Variants in PLEC observed in about 807,000 individuals in gnomAD.
PLEC encodes the protein plectin.
In PLEC, 216 loss-of-function variants were observed where a neutral mutation model predicts 392.8. That is an observed-to-expected ratio of 0.55 (90% CI 0.49 to 0.62). PLEC has a LOEUF of 0.62. Among genes scored for constraint, PLEC ranks in the 20% least tolerant of loss-of-function variants. The pLI is 0.00. For synonymous variants in PLEC, 3,621 were observed against 2,980.6 expected (o/e 1.21, Z -7.00); for missense variants, 6,863 against 6,563.4 (o/e 1.05, Z -1.58).
In PLEC at chr8:143,934,028, C is replaced by T. The variant is rs782308508; in HGVS notation, c.1233G>A (p.Gln411=). 6.2e-7 allele frequency: 1 copy of T among 1,610,980 alleles called. No individual in the cohort carries two copies. Among genetic ancestry groups the T allele is most frequent in the Admixed American group, 1.7e-5 (1 of 59,932 alleles). The change falls in exon 12 of 32, where the codon CAG becomes CAA. Residue 411 remains glutamine, a synonymous_variant. Transcript: ENST00000345136. ...GCAGCAGGGCGTCGGCCTGGTTCAG[C>T]TGCTCCTCACACAGCCCCGCCTCCA... The part of the protein sequence containing the change: ...LQMEAGLCEE[Q]LNQADALLQS...
chr8:143,917,980 G>A lies in PLEC; in HGVS notation c.11841C>T (p.Leu3947=), dbSNP rs782353137. ...CCTTCTTCATGGCCTGGTACACCGA[G>A]AGCCGTTCCTTGGTGGCGTCCACGA... is the stretch of plus-strand genomic sequence containing the variant. ...GVFVDATKER[L]SVYQAMKKGI... The change falls in exon 32 of 32, where the codon CTC becomes CTT. Residue 3947 remains leucine (L), a synonymous_variant. Transcript: ENST00000345136. 4.3e-6 allele frequency: 7 copies of A among 1,612,608 alleles called. No homozygotes were observed. Among genetic ancestry groups the A allele is most frequent in the African/African-American group, 1.3e-5 (1 of 74,926 alleles).
At chr8:143,974,201 G>C (rs569993845), upstream of PLEC, among the ~76,000 whole-genome samples, 121 of 152,336 alleles carry the variant, frequency 7.9e-4, no homozygotes, top group South Asian at 0.025. This position sits in a 1 kb window ranked among gnomAD's most constrained non-coding sequence, Gnocchi z 5.9. Context: ...AGGACGCAGA[G>C]CCCCGGCGCG....
chr8:143,969,174 C>T lies in PLEC; in HGVS notation c.70+4229G>A, dbSNP rs1211780185. Among the ~76,000 whole-genome samples the T allele has an allele frequency of 4.6e-5, 7 of 152,180 alleles. No individual in the cohort carries two copies. Among genetic ancestry groups the T allele is most frequent in the South Asian group, 2.1e-4 (1 of 4,828 alleles). On this transcript the variant is annotated intron_variant, in intron 1 of 31. Transcript: ENST00000356346. The surrounding 1 kb of genome is among the most constrained non-coding windows in gnomAD (Gnocchi z 5.1). ...TTCCACACCACGGAACCGACTCCAG[C>T]GGGGGGAGGGTGAGGTGCTGATGGC...
chr8:143,927,566 G>C lies in PLEC; in HGVS notation c.3600C>G (p.Arg1200=). 5 of 1,592,596 alleles carry C rather than the reference G, an allele frequency of 3.1e-6. No individual in the cohort carries two copies. The highest frequency in any genetic ancestry group is 3.4e-6 in the Non-Finnish European group (4 of 1,177,014). ...GCTGGCGGCCCAGTTGCTCGAGCTCGCGCTGCCGCACGTCGGTCTGGGCCA... is the reference window on the plus strand; with the variant it reads ...GCTGGCGGCCCAGTTGCTCGAGCTCCCGCTGCCGCACGTCGGTCTGGGCCA... ...AVLAQTDVRQ[R]ELEQLGRQLR... Residue 1200 remains arginine, a synonymous_variant, in exon 27 of 32, where the codon CGC becomes CGG. Coordinates refer to ENST00000345136, the MANE Select transcript of PLEC (RefSeq NM_201384.3).
In PLEC at chr8:143,929,584, T is replaced by C. The variant is rs782580333; in HGVS notation, c.2924-13A>G. ...TCTTCCTGTGCACCTGGGGAACACA[T>C]GTGGGTCACTCCACCGCCCACCTCG... On this transcript the variant is annotated splice_polypyrimidine_tract_variant and intron_variant, in intron 23 of 31. Coordinates refer to ENST00000345136, the MANE Select transcript of PLEC (RefSeq NM_201384.3). 4 of 1,611,984 alleles carry C rather than the reference T, an allele frequency of 2.5e-6. No individual in the cohort carries two copies. The East Asian group carries it at 8.9e-5, about 36-fold the overall frequency.
upstream of PLEC, chr8:143,975,135 C>T: frequency 6.3e-7 from 1 of 1,586,140 alleles, no homozygotes; most frequent in African/African-American, 1.3e-5. The surrounding 1 kb of genome is among the most constrained non-coding windows in gnomAD (Gnocchi z 9.9). Flanking sequence ...CAGTCAACCT[C>T]GCGTGCCAAG....
Position 143,969,050 on chromosome 8 carries a change from G to A in PLEC, c.70+4353C>T, listed in dbSNP as rs546629234. On this transcript the variant is annotated intron_variant, in intron 1 of 31. Transcript: ENST00000356346. The surrounding 1 kb of genome is among the most constrained non-coding windows in gnomAD (Gnocchi z 5.1). Reference sequence around the variant, plus strand: ...AAAAAACATACGACCACACAAAAACGTGTATGCAAACGTCCATAGCAGCCT... The same window carrying A: ...AAAAAACATACGACCACACAAAAACATGTATGCAAACGTCCATAGCAGCCT... Among the ~76,000 whole-genome samples the A allele has an allele frequency of 8.5e-5, 13 of 152,126 alleles. No individual in the cohort carries two copies. The highest frequency in any genetic ancestry group is 2.1e-4 in the South Asian group (1 of 4,828).
In PLEC at chr8:143,973,219, G is replaced by T. The variant is rs540850455; in HGVS notation, c.70+184C>A. On this transcript the variant is annotated intron_variant, in intron 1 of 31. Transcript: ENST00000356346. The surrounding 1 kb of genome is among the most constrained non-coding windows in gnomAD (Gnocchi z 5.6). The stretch of plus-strand genomic sequence containing the variant: ...CCCTATTAAGGGCATGGCCTCGGGG[G>T]CTCAGCGGAGCGAGTCCTCCCCTTC... Among the ~76,000 whole-genome samples the T allele has an allele frequency of 8.2e-4, 125 of 152,128 alleles. No homozygotes were observed. Among genetic ancestry groups the T allele is most frequent in the African/African-American group, 2.6e-3 (107 of 41,536 alleles).
upstream of PLEC, chr8:143,942,510 C>T (rs782277142): frequency 3.0e-5 from 48 of 1,575,186 alleles, no homozygotes; most frequent in East Asian, 4.8e-4. Flanking sequence ...CCCCCGCCCC[C>T]GACATGCCGG....
At position 143,920,439 on chromosome 8, in the gene PLEC, C is replaced by T; in HGVS notation, c.9382G>A (p.Glu3128Lys). The T allele has an allele frequency of 6.3e-7, 1 of 1,599,200 alleles. No individual in the cohort carries two copies. The highest frequency in any genetic ancestry group is 8.5e-7 in the Non-Finnish European group (1 of 1,174,728). ...QALKKGLIPR[E>K]QGLRLLDAQL... ...GCGTCCAACAGGCGCAGGCCCTGCTCCCGGGGAATGAGGCCCTTCTTCAGG... is the reference window on the plus strand; with the variant it reads ...GCGTCCAACAGGCGCAGGCCCTGCTTCCGGGGAATGAGGCCCTTCTTCAGG... The change falls in exon 32 of 32, where the codon GAG becomes AAG. Residue 3128 changes from glutamate to lysine, a missense_variant. Coordinates refer to ENST00000345136, the MANE Select transcript of PLEC (RefSeq NM_201384.3).
rs782417764 is a variant in PLEC at position 143,916,407 on chromosome 8, T to G, written c.13414A>C (p.Lys4472Gln). The change falls in exon 32 of 32, where the codon AAG (lysine) becomes CAG (glutamine). Residue 4472 changes from lysine (K) to glutamine (Q), a missense_variant. Transcript: ENST00000345136. ...RLLEAAAQST[K>Q]GYYSPYSVSG... ...ACGCTGTAGGGGCTGTAGTAGCCCT[T>G]GGTGGACTGCGCGGCAGCCTCCAGC... 2.4e-4 allele frequency: 392 copies of G among 1,611,344 alleles called. 1 individual carries two copies. The highest frequency in any genetic ancestry group is 3.2e-4 in the Non-Finnish European group (381 of 1,179,368).
upstream of PLEC, among the ~76,000 whole-genome samples, chr8:143,955,078 C>T (rs1832516811): frequency 6.6e-6 from 1 of 152,174 alleles, no homozygotes; most frequent in East Asian, 1.9e-4. Flanking sequence ...TCTCTCGTCC[C>T]CCTGCCCGTC....
Position 143,938,164 on chromosome 8 carries a change from G to T in PLEC, c.251C>A (p.Ser84Ter). ...HNLISLLEVL[S>*]GDSLPREKGR... ...GGGCACACGTACCAGGCTGTCCCCC[G>T]AGAGGACCTCCAGCAGGGAGATGAG... The change falls in exon 3 of 32, where the codon TCG (serine) becomes TAG (stop). Residue 84 changes from serine (S) to a stop codon, truncating the protein, a stop_gained. Coordinates refer to ENST00000345136, the MANE Select transcript of PLEC (RefSeq NM_201384.3). LOFTEE classifies it high-confidence loss of function. 1 of 1,606,210 alleles carries T rather than the reference G, an allele frequency of 6.2e-7. No individual in the cohort carries two copies.
At chr8:143,974,059 G>A (rs1439169922), upstream of PLEC, among the ~76,000 whole-genome samples, 4 of 152,182 alleles carry the variant, frequency 2.6e-5, no homozygotes, top group African/African-American at 9.7e-5. The surrounding 1 kb of genome is among the most constrained non-coding windows in gnomAD (Gnocchi z 5.9). Context: ...CAAAGCCCCC[G>A]CTCTCCCCGC....
chr8:143,970,800 C>T (rs1232957120), intron 1 of PLEC, among the ~76,000 whole-genome samples: 4 of 152,360 alleles, frequency 2.6e-5, no homozygotes, highest in Admixed American at 6.5e-5. Context: ...TGCGGCAGAA[C>T]GGCCCAGCCT....
In PLEC at chr8:143,934,933, C is replaced by G; in HGVS notation, c.826-4G>C. ...CCTGCCAGCGCAGCTGCAGCTCCTGCGGGCAGGCACGGGCGGCTGTCAGGG... is the reference window on the plus strand; with the variant it reads ...CCTGCCAGCGCAGCTGCAGCTCCTGGGGGCAGGCACGGGCGGCTGTCAGGG... On this transcript the variant is annotated splice_polypyrimidine_tract_variant and splice_region_variant and intron_variant, in intron 8 of 31. Coordinates refer to ENST00000345136, the MANE Select transcript of PLEC (RefSeq NM_201384.3). 2 of 1,610,646 alleles carry G rather than the reference C, an allele frequency of 1.2e-6. No individual in the cohort carries two copies. The highest frequency in any genetic ancestry group is 1.7e-6 in the Non-Finnish European group (2 of 1,179,504).
chr8:143,929,338 T>C lies in PLEC; in HGVS notation c.3082-57A>G, dbSNP rs570519037. On this transcript the variant is annotated intron_variant, in intron 24 of 31. Transcript: ENST00000345136. Reference sequence around the variant, plus strand: ...CACCGAGCGCAGCACACAGCGCCCCTTGAAGGCCAAAGGAGGGAGGGTGGG... The same window carrying C: ...CACCGAGCGCAGCACACAGCGCCCCCTGAAGGCCAAAGGAGGGAGGGTGGG... 5.5e-4 allele frequency: 874 copies of C among 1,586,490 alleles called. 7 individuals are homozygous for C. In the African/African-American group the frequency reaches 0.01, roughly 19 times the overall value.
chr8:143,976,231 A>G (rs1833657504), upstream of PLEC, among the ~76,000 whole-genome samples: 1 of 152,238 alleles, frequency 6.6e-6, no homozygotes, highest in African/African-American at 2.4e-5. Context: ...GGACGCACGC[A>G]TACCCACGCG....
intron 1 of PLEC, among the ~76,000 whole-genome samples, chr8:143,949,392 G>A (rs1831863671): frequency 6.6e-6 from 1 of 152,232 alleles, no homozygotes; most frequent in Non-Finnish European, 1.5e-5. Flanking sequence ...GGCTGCAGGG[G>A]ACACATCTGC....
Sources: gnomAD v4.1 joint callset for allele counts (sites outside exome capture counted in the v4.1 genomes callset) on GRCh38, gnomAD v4.1.1 for gene constraint, Gnocchi (gnomAD v3.1) non-coding constraint, MANE v1.5 for transcripts, NCBI Gene and HGNC (gene_info 2026-07-23, HGNC 2026-07-21) for gene names.